DLGAP2: variants seen among roughly 807,000 people sequenced by gnomAD.
DLGAP2 encodes DLG associated protein 2.
DLGAP2 carries 26 observed loss-of-function variants against 100.3 expected under a neutral mutation model. The ratio of observed to expected loss-of-function variants is 0.26; its 90% CI spans 0.19 to 0.36. DLGAP2 has a LOEUF of 0.36. Among genes scored for constraint, DLGAP2 ranks in the 10% least tolerant of loss-of-function variants. The pLI is 1.00. For missense variants in DLGAP2, 1,858 were observed against 1,453.2 expected, an observed-to-expected ratio of 1.28 and a Z score of -4.53; for synonymous variants, 886 against 630.1, an observed-to-expected ratio of 1.41 and a Z score of -6.08.
intron 10 of DLGAP2, among the ~76,000 whole-genome samples, chr8:1,674,920 C>G (rs574645793): frequency 6.6e-6 from 1 of 152,186 alleles, no homozygotes; most frequent in African/African-American, 2.4e-5. Flanking sequence ...CAATCCTTTG[C>G]GTAAAATAAC....
At chr8:1,079,608 T>C (rs940163944) in intron 2 of DLGAP2, among the ~76,000 whole-genome samples, 2 of 152,308 alleles carry the variant, frequency 1.3e-5, no homozygotes. Context: ...TGTGTTTATC[T>C]TAGGAACATT....
intron 2 of DLGAP2, among the ~76,000 whole-genome samples, chr8:1,121,567 C>G (rs995118357): frequency 6.6e-6 from 1 of 151,890 alleles, no homozygotes; most frequent in Non-Finnish European, 1.5e-5. Flanking sequence ...ATCTTCTTCC[C>G]ATTAGAACCC....
intron 2 of DLGAP2, among the ~76,000 whole-genome samples, chr8:1,013,591 C>CGG (rs1801360581): frequency 3.4e-5 from 5 of 149,078 alleles, no homozygotes; most frequent in African/African-American, 1.3e-4. Context: ...AGCAAACGGA[C>CGG]AGACGGCGCC....
In DLGAP2 at chr8:1,029,089, G is replaced by A. The variant is rs527556512; in HGVS notation, c.73+121123G>A. Among the ~76,000 whole-genome samples the A allele has an allele frequency of 3.9e-4, 60 of 152,324 alleles. 1 individual carries two copies. The South Asian group carries it at 5.4e-3, about 14-fold the overall frequency. ...CTGGAAACAGGTAGTGAGGCTCTGT[G>A]AAGGGCTGCAGGTGCAGGGGGAGGA... On this transcript the variant is annotated intron_variant, in intron 2 of 14. Coordinates refer to ENST00000637795, the MANE Select transcript of DLGAP2 (RefSeq NM_001346810.2).
At chr8:827,405 G>C (rs533557944) in intron 1 of DLGAP2, among the ~76,000 whole-genome samples, 1 of 152,114 alleles carries the variant, frequency 6.6e-6, no homozygotes, top group Non-Finnish European at 1.5e-5. Flanking sequence ...ATACACATTT[G>C]GACTTTCAGG....
At chr8:879,371 C>T (rs1797742559) in intron 1 of DLGAP2, among the ~76,000 whole-genome samples, 1 of 152,180 alleles carries the variant, frequency 6.6e-6, no homozygotes. Flanking sequence ...GTAGGGTTTA[C>T]TTGAAGATAG....
At chr8:1,600,907 C>G (rs955663314) in intron 6 of DLGAP2, among the ~76,000 whole-genome samples, 5 of 152,116 alleles carry the variant, frequency 3.3e-5, no homozygotes, top group African/African-American at 1.2e-4. Flanking sequence ...CGGTTCTGTT[C>G]CCTTGCTGGT....
chr8:1,169,631 T>G (rs936159504), intron 2 of DLGAP2, among the ~76,000 whole-genome samples: 3 of 152,184 alleles, frequency 2.0e-5, no homozygotes, highest in Admixed American at 6.5e-5. Context: ...GGTATTTTAT[T>G]CTCTTTGAAG....
At chr8:1,146,457 T>A (rs1312180709) in intron 2 of DLGAP2, among the ~76,000 whole-genome samples, 1 of 152,250 alleles carries the variant, frequency 6.6e-6, no homozygotes, top group Admixed American at 6.5e-5. Context: ...TACATGTAAT[T>A]CAGTGCCATT....
intron 3 of DLGAP2, among the ~76,000 whole-genome samples, chr8:1,427,050 CTTTA>C (rs1394603191): frequency 6.6e-6 from 1 of 152,080 alleles, no homozygotes; most frequent in African/African-American, 2.4e-5. Flanking sequence ...GTGTTAAGAT[CTTTA>C]TTTTAATAAA....
chr8:1,219,147 C>T (rs1402387153), intron 2 of DLGAP2, among the ~76,000 whole-genome samples: 1 of 152,124 alleles, frequency 6.6e-6, no homozygotes, highest in African/African-American at 2.4e-5. Context: ...GCAAGGACTT[C>T]CAGTACTATG....
intron 3 of DLGAP2, among the ~76,000 whole-genome samples, chr8:1,410,297 G>C (rs950627944): frequency 6.6e-6 from 1 of 152,190 alleles, no homozygotes; most frequent in Non-Finnish European, 1.5e-5. Flanking sequence ...GACACGGAAG[G>C]TAACATTCAC....
intron 3 of DLGAP2, among the ~76,000 whole-genome samples, chr8:1,416,408 T>G (rs1478899979): frequency 2.0e-5 from 3 of 152,192 alleles, no homozygotes; most frequent in African/African-American, 4.8e-5. Flanking sequence ...TACTACAGTT[T>G]CTGAGGCAAA....
In DLGAP2 at chr8:1,138,923, G is replaced by A. The variant is rs542227269; in HGVS notation, c.74-119928G>A. 4.7e-4 allele frequency among the ~76,000 whole-genome samples: 71 copies of A among 152,040 alleles called. 1 individual carries two copies. Among genetic ancestry groups the A allele is most frequent in the African/African-American group, 1.7e-3 (69 of 41,452 alleles). Reference sequence around the variant, plus strand: ...GGAGACTCCTCCTGTTTATTTACTTGTCCTGGCCTGTGCGGCTGGTGGGAA... The same window carrying A: ...GGAGACTCCTCCTGTTTATTTACTTATCCTGGCCTGTGCGGCTGGTGGGAA... On this transcript the variant is annotated intron_variant, in intron 2 of 14. Transcript: ENST00000637795.
At chr8:1,509,809 G>A (rs1800095218) in intron 4 of DLGAP2, among the ~76,000 whole-genome samples, 1 of 152,168 alleles carries the variant, frequency 6.6e-6, no homozygotes, top group African/African-American at 2.4e-5. Flanking sequence ...AGTGTTCAAT[G>A]TCAGTTTTTA....
At chr8:1,637,624 T>C (rs1248123191) in intron 8 of DLGAP2, among the ~76,000 whole-genome samples, 3 of 152,146 alleles carry the variant, frequency 2.0e-5, no homozygotes, top group South Asian at 4.1e-4. Flanking sequence ...AGAACAATCA[T>C]CTTATATGCC....
intron 2 of DLGAP2, among the ~76,000 whole-genome samples, chr8:1,038,150 G>A (rs1332582869): frequency 3.3e-5 from 5 of 152,246 alleles, no homozygotes; most frequent in Admixed American, 3.3e-4. Context: ...GTCGCTACCT[G>A]TGTGTTTCTC....
chr8:1,171,539 AG>A (rs1323071850), intron 2 of DLGAP2, among the ~76,000 whole-genome samples: 1 of 151,904 alleles, frequency 6.6e-6, no homozygotes, highest in Non-Finnish European at 1.5e-5. Context: ...TAGGTCACTC[AG>A]GACTTGCTTT....
At chr8:937,640 T>A (rs1799101635) in intron 2 of DLGAP2, among the ~76,000 whole-genome samples, 1 of 152,114 alleles carries the variant, frequency 6.6e-6, no homozygotes, top group South Asian at 2.1e-4. Flanking sequence ...GAGAATACCC[T>A]TGGAAGGCAG....
Sources: allele counts gnomAD v4.1 joint callset (sites outside exome capture counted in the v4.1 genomes callset), GRCh38; gene constraint gnomAD v4.1.1; transcripts MANE v1.5; gene names NCBI Gene and HGNC (gene_info 2026-07-23, HGNC 2026-07-21).